Variants in LDLRAD4 observed in about 807,000 individuals in gnomAD.
The protein encoded by LDLRAD4 is low density lipoprotein receptor class A domain containing 4, also known as low-density lipoprotein receptor class A domain-containing protein 4.
LDLRAD4 carries 5 observed loss-of-function variants against 17.0 expected under a neutral mutation model. The ratio of observed to expected loss-of-function variants is 0.29; its 90% CI spans 0.15 to 0.62. The LOEUF is 0.62. LDLRAD4 is among the 20% of genes least tolerant of loss of function. The pLI, the probability that LDLRAD4 is intolerant of heterozygous loss-of-function variation, is 0.84. For missense variants in LDLRAD4, 340 were observed against 424.7 expected, an observed-to-expected ratio of 0.80 and a Z score of 1.75; for synonymous variants, 168 against 171.8, an observed-to-expected ratio of 0.98 and a Z score of 0.17.
intron 4 of LDLRAD4, chr18:13,642,203 G>T: frequency 1.0e-6 from 1 of 985,778 alleles, no homozygotes; most frequent in Non-Finnish European, 1.2e-6. Context: ...CGCGGGGCTC[G>T]GTGTTTCTTC....
chr18:13,333,494 G>A (rs191091897), intron 1 of LDLRAD4, among the ~76,000 whole-genome samples: 4 of 152,216 alleles, frequency 2.6e-5, no homozygotes, highest in African/African-American at 9.6e-5. Context: ...TTGCCATTCC[G>A]CAGATCATCT....
chr18:13,253,064 G>C (rs2043310272), intron 1 of LDLRAD4, among the ~76,000 whole-genome samples: 1 of 152,216 alleles, frequency 6.6e-6, no homozygotes, highest in Non-Finnish European at 1.5e-5. Flanking sequence ...AACTGCTCCT[G>C]CTCCCAAGTG....
chr18:13,391,735 A>G (rs1332431182), intron 2 of LDLRAD4, among the ~76,000 whole-genome samples: 2 of 152,200 alleles, frequency 1.3e-5, no homozygotes, highest in African/African-American at 4.8e-5. Context: ...TTCGGGCAAC[A>G]TTTTAGTTTA....
chr18:13,498,031 TCCACACACG>T (rs1568256813), intron 3 of LDLRAD4, among the ~76,000 whole-genome samples: 12 of 126,060 alleles, frequency 9.5e-5, no homozygotes, highest in Non-Finnish European at 1.4e-4. Context: ...AGAATCCTTC[TCCACACACG>T]TCCCGCCATG....
At chr18:13,400,836 A>G (rs2087117405) in intron 2 of LDLRAD4, among the ~76,000 whole-genome samples, 1 of 152,156 alleles carries the variant, frequency 6.6e-6, no homozygotes, top group Non-Finnish European at 1.5e-5. Flanking sequence ...TTGACTTCAC[A>G]TGTGTTCCTG....
chr18:13,584,313 T>G (rs1732058615), intron 3 of LDLRAD4, among the ~76,000 whole-genome samples: 1 of 152,206 alleles, frequency 6.6e-6, no homozygotes, highest in Non-Finnish European at 1.5e-5. Context: ...CCCTTAAGAC[T>G]CAGATGAGTG....
At chr18:13,519,761 G>C (rs1601045424) in intron 3 of LDLRAD4, 1 of 151,460 alleles carries the variant, frequency 6.6e-6, no homozygotes, top group South Asian at 2.1e-4. Context: ...AGGAGACTGT[G>C]TCTCTAAAAA....
intron 1 of LDLRAD4, among the ~76,000 whole-genome samples, chr18:13,272,458 A>G (rs1455164260): frequency 1.3e-5 from 2 of 152,174 alleles, no homozygotes; most frequent in African/African-American, 4.8e-5. Flanking sequence ...ATCTGGTTTG[A>G]AGAGACTTTC....
intron 1 of LDLRAD4, among the ~76,000 whole-genome samples, chr18:13,339,841 T>G (rs1222605270): frequency 6.6e-6 from 1 of 152,214 alleles, no homozygotes; most frequent in African/African-American, 2.4e-5. Context: ...TGTCATGACA[T>G]TACGTACACT....
chr18:13,385,165 T>C (rs1032654229), intron 1 of LDLRAD4, among the ~76,000 whole-genome samples: 1 of 152,260 alleles, frequency 6.6e-6, no homozygotes, highest in African/African-American at 2.4e-5. Flanking sequence ...TTGTCTTTGA[T>C]AATGACCATT....
At chr18:13,226,934 G>A (rs1051607906) in intron 1 of LDLRAD4, among the ~76,000 whole-genome samples, 3 of 152,110 alleles carry the variant, frequency 2.0e-5, no homozygotes, top group African/African-American at 7.2e-5. Flanking sequence ...CCAGGAGGGG[G>A]TGGAGTCAGC....
chr18:13,580,304 C>A (rs563512724), intron 3 of LDLRAD4, among the ~76,000 whole-genome samples: 1 of 152,330 alleles, frequency 6.6e-6, no homozygotes, highest in East Asian at 1.9e-4. Flanking sequence ...TGTGGTCACC[C>A]CACCTTGGCT....
chr18:13,571,481 A>T (rs2094689468), intron 3 of LDLRAD4, among the ~76,000 whole-genome samples: 1 of 152,202 alleles, frequency 6.6e-6, no homozygotes, highest in Admixed American at 6.5e-5. Flanking sequence ...GTAACCCCAT[A>T]AGAGGAAGAC....
At chr18:13,642,933 T>G (rs1601887532) in intron 4 of LDLRAD4, among the ~76,000 whole-genome samples, 1 of 143,824 alleles carries the variant, frequency 7.0e-6, no homozygotes, top group Non-Finnish European at 1.5e-5. Flanking sequence ...TTTTTGTTTT[T>G]TTTTTTTCTT....
At chr18:13,623,353 C>G (rs2148828418) in intron 4 of LDLRAD4, among the ~76,000 whole-genome samples, 1 of 152,364 alleles carries the variant, frequency 6.6e-6, no homozygotes, top group Non-Finnish European at 1.5e-5. Flanking sequence ...TGGTCCACAT[C>G]CCTGTCTGGG....
At chr18:13,391,944 C>A (rs1473234379) in intron 2 of LDLRAD4, among the ~76,000 whole-genome samples, 1 of 152,144 alleles carries the variant, frequency 6.6e-6, no homozygotes, top group Admixed American at 6.5e-5. Context: ...GTTGGATAGT[C>A]CACTTTTTGA....
chr18:13,495,826 G>A (rs552333151), intron 3 of LDLRAD4, among the ~76,000 whole-genome samples: 4 of 152,294 alleles, frequency 2.6e-5, no homozygotes, highest in Admixed American at 6.5e-5. Flanking sequence ...ATACGGCAAC[G>A]TCACCAGCAC....
At chr18:13,557,960 AT>A (rs1006472704) in intron 3 of LDLRAD4, among the ~76,000 whole-genome samples, 1 of 151,976 alleles carries the variant, frequency 6.6e-6, no homozygotes, top group African/African-American at 2.4e-5. Context: ...AAATCTAATC[AT>A]TTTTTCAAGG....
At chr18:13,298,539 T>C (rs1367809591) in intron 1 of LDLRAD4, among the ~76,000 whole-genome samples, 14 of 101,884 alleles carry the variant, frequency 1.4e-4, no homozygotes, top group East Asian at 1.3e-3. Flanking sequence ...GCTCTGGGCA[T>C]GGTGATGGAG....
Sources: allele counts gnomAD v4.1 joint callset (sites outside exome capture counted in the v4.1 genomes callset), GRCh38; gene constraint gnomAD v4.1.1; transcripts MANE v1.5; gene names NCBI Gene and HGNC (gene_info 2026-07-23, HGNC 2026-07-21).